Variants in POLR3B observed in about 807,000 individuals in gnomAD.
POLR3B encodes the protein DNA-directed RNA polymerase III subunit RPC2.
In POLR3B, 96 loss-of-function variants were observed where a neutral mutation model predicts 147.4. The ratio of observed to expected loss-of-function variants is 0.65; its 90% CI spans 0.55 to 0.77. POLR3B has a LOEUF of 0.77. Ranked by LOEUF, POLR3B falls within the 30% of genes least tolerant of loss-of-function variation. The pLI is 0.00. For missense variants in POLR3B, 1,036 were observed against 1,413.5 expected (o/e 0.73, Z 4.28); for synonymous variants, 461 against 485.9 (o/e 0.95, Z 0.67).
At chr12:106,507,391 G>T (rs2038704657) in intron 27 of POLR3B, among the ~76,000 whole-genome samples, 1 of 152,166 alleles carries the variant, frequency 6.6e-6, no homozygotes, top group South Asian at 2.1e-4. Flanking sequence ...TCTGGAATAT[G>T]AATCAGTACA....
Position 106,410,974 on chromosome 12 carries a change from TTA to T in POLR3B, c.1101+16_1101+17del, listed in dbSNP as rs1293226585. On this transcript the variant is annotated intron_variant, in intron 12 of 27. Coordinates refer to ENST00000228347, the MANE Select transcript of POLR3B (RefSeq NM_018082.6). ...TTGGCAGGACAGGTGATTTAATATT[TTA>T]TGTCAGAAATCTTGTTTTCCTTAAT... 1.9e-6 allele frequency: 3 copies of T among 1,607,268 alleles called. No homozygotes were observed. In the South Asian group the frequency reaches 3.3e-5, roughly 18 times the overall value.
chr12:106,474,786 A>G (rs1038413779), intron 23 of POLR3B, among the ~76,000 whole-genome samples: 2 of 151,008 alleles, frequency 1.3e-5, no homozygotes, highest in African/African-American at 4.9e-5. Context: ...CTAGCGGTCT[A>G]TCAATTTTGT....
chr12:106,471,865 CT>C (rs557095732), intron 23 of POLR3B, among the ~76,000 whole-genome samples: 3,984 of 142,972 alleles, frequency 0.028, 54 homozygotes, highest in African/African-American at 0.033. Context: ...CAAAGCAGTG[CT>C]TTTTTTTTTT....
chr12:106,505,981 G>A (rs144864099), intron 27 of POLR3B, among the ~76,000 whole-genome samples: 96 of 152,292 alleles, frequency 6.3e-4, no homozygotes, highest in African/African-American at 2.0e-3. Context: ...GAAGACTCTC[G>A]TCTGTAAGGA....
At chr12:106,469,900 A>G (rs907655502) in intron 23 of POLR3B, among the ~76,000 whole-genome samples, 1 of 152,058 alleles carries the variant, frequency 6.6e-6, no homozygotes, top group Non-Finnish European at 1.5e-5. Flanking sequence ...CGTCATTTCA[A>G]CCTTGGTGAA....
intron 1 of POLR3B, among the ~76,000 whole-genome samples, chr12:106,360,461 T>C (rs1445653611): frequency 6.6e-6 from 1 of 152,200 alleles, no homozygotes; most frequent in Admixed American, 6.5e-5. Flanking sequence ...ATCTATAATA[T>C]AACTTCCCTA....
rs544443920 is a variant in POLR3B at position 106,418,533 on chromosome 12, C to A, written c.1101+7573C>A. 3.3e-5 allele frequency among the ~76,000 whole-genome samples: 5 copies of A among 152,336 alleles called. No individual in the cohort carries two copies. The South Asian group carries it at 1.0e-3, about 32-fold the overall frequency. ...AATCTCAAGACGCCTAATTAGAATT[C>A]TCTGACATTAAGCTAATTGGTGAAA... On this transcript the variant is annotated intron_variant, in intron 12 of 27. Coordinates refer to ENST00000228347, the MANE Select transcript of POLR3B (RefSeq NM_018082.6).
intron 27 of POLR3B, among the ~76,000 whole-genome samples, chr12:106,506,846 G>GT: frequency 6.6e-6 from 1 of 152,270 alleles, no homozygotes; most frequent in South Asian, 2.1e-4. Flanking sequence ...GCCGAGGAGC[G>GT]TAATGATGCT....
chr12:106,477,215 G>T (rs1176306343), intron 23 of POLR3B, among the ~76,000 whole-genome samples: 1 of 113,102 alleles, frequency 8.8e-6, no homozygotes, highest in African/African-American at 4.5e-5. Flanking sequence ...TGAGGAGGCA[G>T]TCTGCCCATT....
At chr12:106,368,776 C>T (rs2036564477) in intron 4 of POLR3B, among the ~76,000 whole-genome samples, 1 of 152,136 alleles carries the variant, frequency 6.6e-6, no homozygotes, top group Admixed American at 6.5e-5. Context: ...AAAGTATATT[C>T]AGAAAATAGT....
chr12:106,440,047 A>T (rs2037628505), intron 18 of POLR3B, among the ~76,000 whole-genome samples: 1 of 152,176 alleles, frequency 6.6e-6, no homozygotes, highest in Non-Finnish European at 1.5e-5. Flanking sequence ...CGAGAGAGTG[A>T]GACCCTTACT....
intron 19 of POLR3B, among the ~76,000 whole-genome samples, chr12:106,453,396 CT>C (rs2037823137): frequency 6.6e-6 from 1 of 152,036 alleles, no homozygotes; most frequent in South Asian, 2.1e-4. Flanking sequence ...GAAATAAATA[CT>C]GAGTTTTGGT....
intron 9 of POLR3B, among the ~76,000 whole-genome samples, chr12:106,382,820 G>C (rs1415826500): frequency 6.6e-6 from 1 of 152,156 alleles, no homozygotes. Context: ...GCACTGACTT[G>C]AACTTTTTCT....
At chr12:106,363,780 T>C (rs2036497504) in intron 1 of POLR3B, 90 bp from the exon 2 acceptor site, 4 of 1,041,468 alleles carry the variant, frequency 3.8e-6, no homozygotes, top group Non-Finnish European at 5.9e-6. Flanking sequence ...TTGATTTACT[T>C]TCCTTTGCTT....
chr12:106,437,059 C>A lies in POLR3B; in HGVS notation c.1784C>A (p.Pro595His), dbSNP rs1446710414. The change falls in exon 17 of 28, where the codon CCC becomes CAC. Residue 595 changes from proline to histidine, a missense_variant and splice_region_variant. Pro to His is a moderately conservative substitution (Grantham distance 77, BLOSUM62 -2). Coordinates refer to ENST00000228347, the MANE Select transcript of POLR3B (RefSeq NM_018082.6). ...ISSDGGRLCRPYIIVKKQKPA... is the reference protein window; with the variant it reads ...ISSDGGRLCRHYIIVKKQKPA... ...TTGGTTTGCTGTTTCCATTCTAGAC[C>A]CTACATAATTGTCAAGAAACAGAAG... is the stretch of plus-strand genomic sequence containing the variant. The A allele has an allele frequency of 1.2e-6, 2 of 1,611,930 alleles. No homozygotes were observed. The highest frequency in any genetic ancestry group is 8.5e-7 in the Non-Finnish European group (1 of 1,178,498).
intron 9 of POLR3B, among the ~76,000 whole-genome samples, chr12:106,390,922 C>A (rs2036905474): frequency 6.6e-6 from 1 of 152,150 alleles, no homozygotes; most frequent in Admixed American, 6.5e-5. Flanking sequence ...TGCCTGTAGT[C>A]CCAGTTACTC....
At chr12:106,395,795 C>T (rs1051787115) in intron 10 of POLR3B, among the ~76,000 whole-genome samples, 1 of 151,974 alleles carries the variant, frequency 6.6e-6, no homozygotes, top group Admixed American at 6.5e-5. Context: ...CATGGTGAAA[C>T]CCCGCCTCTA....
chr12:106,505,789 C>T (rs1237069182), intron 27 of POLR3B, among the ~76,000 whole-genome samples: 2 of 152,140 alleles, frequency 1.3e-5, no homozygotes, highest in African/African-American at 2.4e-5. Context: ...CACCTTTTCC[C>T]CATTGAGTCC....
intron 18 of POLR3B, among the ~76,000 whole-genome samples, chr12:106,443,854 C>G (rs768253998): frequency 7.3e-6 from 1 of 137,386 alleles, no homozygotes; most frequent in Non-Finnish European, 1.6e-5. Context: ...GAGACGGAGT[C>G]TCGCTCTCTC....
Sources: gnomAD v4.1 joint callset for allele counts (sites outside exome capture counted in the v4.1 genomes callset) on GRCh38, gnomAD v4.1.1 for gene constraint, MANE v1.5 for transcripts, NCBI Gene and HGNC (gene_info 2026-07-23, HGNC 2026-07-21) for gene names.